Variants in ATP13A3 observed in about 807,000 individuals in gnomAD.
The protein encoded by ATP13A3 is polyamine-transporting ATPase 13A3.
Under a neutral mutation model 158.1 loss-of-function variants are expected in ATP13A3, and 59 were observed. The observed-to-expected ratio is 0.37, with a 90% CI of 0.30 to 0.46. The LOEUF is 0.46. ATP13A3 is among the 20% of genes least tolerant of loss of function. ATP13A3 has a pLI of 1.00. For synonymous variants in ATP13A3, 491 were observed against 504.3 expected (o/e 0.97, Z 0.35); for missense variants, 1,166 against 1,525.2 (o/e 0.76, Z 3.92).
rs1718571722 is a variant in ATP13A3, at chr3:194,448,608, A to G, written c.999T>C (p.Asn333=). The G allele has an allele frequency of 6.2e-7, 1 of 1,612,924 alleles. No homozygotes were observed. Among genetic ancestry groups the G allele is most frequent in the African/African-American group, 1.3e-5 (1 of 74,902 alleles). ...TCACATCCACTGAAGGATTTGGCAA[A>G]TTAGTCTTTGTCACTGGAACACTTT... ...TGESVPVTKT[N]LPNPSVDVKG... is the part of the protein sequence containing the mutation. The change falls in exon 12 of 34, where the codon AAT becomes AAC. Residue 333 remains asparagine, a synonymous_variant. Coordinates refer to ENST00000645319, the MANE Select transcript of ATP13A3 (RefSeq NM_001367549.1). This position sits in a 1 kb window ranked among gnomAD's most constrained non-coding sequence, Gnocchi z 4.0.
At chr3:194,447,509 T>G (rs989022184) in intron 13 of ATP13A3, among the ~76,000 whole-genome samples, 8 of 151,964 alleles carry the variant, frequency 5.3e-5, no homozygotes, top group African/African-American at 1.7e-4. Context: ...TTTAACACTG[T>G]ATATTACATC....
intron 2 of ATP13A3, among the ~76,000 whole-genome samples, chr3:194,463,675 C>T (rs1213595577): frequency 4.6e-5 from 7 of 152,168 alleles, no homozygotes; most frequent in African/African-American, 1.7e-4. Context: ...GCTTGACACA[C>T]GCTAGGCACT....
chr3:194,408,020 CCT>C (rs1491307670), intron 33 of ATP13A3, among the ~76,000 whole-genome samples: 2 of 149,620 alleles, frequency 1.3e-5, no homozygotes, highest in Non-Finnish European at 3.0e-5. Context: ...AAAGCTGTCA[CCT>C]TTTTTTTTTT....
At chr3:194,423,517 A>G (rs1459179247) in intron 30 of ATP13A3, among the ~76,000 whole-genome samples, 1 of 152,224 alleles carries the variant, frequency 6.6e-6, no homozygotes, top group Non-Finnish European at 1.5e-5. Flanking sequence ...AACTGGCAGA[A>G]TGCCTGCATC....
chr3:194,481,573 G>T (rs1472377806), intron 2 of ATP13A3, among the ~76,000 whole-genome samples: 6 of 151,690 alleles, frequency 4.0e-5, no homozygotes, highest in Non-Finnish European at 8.8e-5. Flanking sequence ...TGATCTCTCC[G>T]CATTATTTTC....
upstream of ATP13A3, among the ~76,000 whole-genome samples, chr3:194,491,013 G>A (rs765507277): frequency 9.9e-5 from 15 of 152,270 alleles, no homozygotes; most frequent in Admixed American, 6.5e-4. Flanking sequence ...ACGTGGTGGC[G>A]TGCGCCTGTA....
intron 2 of ATP13A3, among the ~76,000 whole-genome samples, chr3:194,473,016 G>A (rs1720376459): frequency 6.6e-6 from 1 of 152,040 alleles, no homozygotes; most frequent in African/African-American, 2.4e-5. Flanking sequence ...AGGAAGGGGT[G>A]GGGCAAGGGT....
At chr3:194,471,038 C>T (rs73073138) in intron 2 of ATP13A3, among the ~76,000 whole-genome samples, 2 of 152,020 alleles carry the variant, frequency 1.3e-5, no homozygotes, top group African/African-American at 4.8e-5. Context: ...AATGCCTTCC[C>T]GAAGGAAGAC....
intron 17 of ATP13A3, 54 bp downstream of exon 17, chr3:194,438,802 A>G: frequency 8.2e-7 from 1 of 1,212,832 alleles, no homozygotes; most frequent in Non-Finnish European, 1.2e-6. Flanking sequence ...AAAAAATTAA[A>G]AATAAATATA....
At chr3:194,479,126 G>C (rs1056772521) in intron 2 of ATP13A3, among the ~76,000 whole-genome samples, 7 of 152,126 alleles carry the variant, frequency 4.6e-5, no homozygotes, top group African/African-American at 1.7e-4. Context: ...AGATGCTTCT[G>C]AATCTGACTA....
chr3:194,493,332 C>A (rs1468493555), intron 2 of ATP13A3, among the ~76,000 whole-genome samples: 1 of 152,070 alleles, frequency 6.6e-6, no homozygotes, highest in African/African-American at 2.4e-5. Context: ...TCTCTAAATG[C>A]CTTCCCTGAC....
At chr3:194,452,147 G>A (rs568546406) in intron 10 of ATP13A3, 2 of 152,538 alleles carry the variant, frequency 1.3e-5, no homozygotes, top group Middle Eastern at 3.4e-3. Flanking sequence ...TTGAGGCCAG[G>A]AGTACCAAAC....
At chr3:194,430,231 AGAGT>A in intron 25 of ATP13A3, 38 bp downstream of exon 25, 9 of 1,613,368 alleles carry the variant, frequency 5.6e-6, no homozygotes, top group Non-Finnish European at 7.6e-6. Context: ...GATTTAGGCT[AGAGT>A]AAGAACTATA....
intron 2 of ATP13A3, among the ~76,000 whole-genome samples, chr3:194,479,518 TAAG>T (rs1720668085): frequency 6.6e-6 from 1 of 151,882 alleles, no homozygotes; most frequent in African/African-American, 2.4e-5. Context: ...ACTGGTGACT[TAAG>T]AAGCTAAGGC....
chr3:194,445,388 T>C (rs758942469), intron 14 of ATP13A3, among the ~76,000 whole-genome samples: 1 of 152,214 alleles, frequency 6.6e-6, no homozygotes, highest in Non-Finnish European at 1.5e-5. Context: ...AACTAAAGAA[T>C]TGCTAATTCT....
rs951246984 is a variant in ATP13A3, at chr3:194,477,925, G to A, written c.-47+7869C>T. On this transcript the variant is annotated intron_variant, in intron 2 of 33. Transcript: ENST00000645319. Reference sequence around the variant, plus strand: ...CCTCTGTGTCTTTGTTTTAGTTTGAGACCACTTATGGTTAATTCTTCAGCA... The same window carrying A: ...CCTCTGTGTCTTTGTTTTAGTTTGAAACCACTTATGGTTAATTCTTCAGCA... Among the ~76,000 whole-genome samples the A allele has an allele frequency of 2.0e-5, 3 of 152,144 alleles. No homozygotes were observed. In the East Asian group the frequency reaches 5.8e-4, roughly 29 times the overall value.
chr3:194,485,298 G>A (rs1720923333), intron 2 of ATP13A3, among the ~76,000 whole-genome samples: 1 of 152,166 alleles, frequency 6.6e-6, no homozygotes, highest in South Asian at 2.1e-4. Context: ...CCTTAAAGGG[G>A]TTGCAAACCA....
In ATP13A3 at chr3:194,427,036, A is replaced by C. The variant is rs756643810; in HGVS notation, c.3125+39T>G. The C allele has an allele frequency of 2.5e-6, 4 of 1,568,772 alleles. No homozygotes were observed. The Admixed American group carries it at 5.8e-5, about 23-fold the overall frequency. ...CATTTTTATATCATATATGTTGCAC[A>C]TATTTTATATAGATTTTTACATAGA... On this transcript the variant is annotated intron_variant, in intron 29 of 33. Transcript: ENST00000645319.
At position 194,450,179 on chromosome 3, in the gene ATP13A3, A is replaced by C. The variant is rs1161997792; in HGVS notation, c.936T>G (p.Asn312Lys). ...TIMPCDAVLI[N>K]GTCIVNESML... ...TGCTTTCGTTTACAATGCAGGTACC[A>C]TTAATAAGCACAGCATCACAAGGCA... Residue 312 changes from asparagine to lysine, a missense_variant, in exon 11 of 34, where the codon AAT (asparagine) becomes AAG (lysine). This residue lies in a region of ATP13A3 where 997 missense variants were observed against 1,341.2 expected (regional missense o/e 0.74). Transcript: ENST00000645319. 1.9e-6 allele frequency: 3 copies of C among 1,613,950 alleles called. No homozygotes were observed. The highest frequency in any genetic ancestry group is 1.7e-5 in the Admixed American group (1 of 60,002).
Sources: gnomAD v4.1 joint callset for allele counts (sites outside exome capture counted in the v4.1 genomes callset) on GRCh38, gnomAD v4.1.1 for gene constraint, gnomAD v4.1.1 regional missense constraint, Gnocchi (gnomAD v3.1) non-coding constraint, MANE v1.5 for transcripts, NCBI Gene and HGNC (gene_info 2026-07-23, HGNC 2026-07-21) for gene names.